Variants in ASTN2 observed in about 807,000 individuals in gnomAD.
ASTN2 encodes astrotactin-2.
Under a neutral mutation model 139.8 loss-of-function variants are expected in ASTN2, and 54 were observed. The ratio of observed to expected loss-of-function variants is 0.39; its 90% CI spans 0.31 to 0.48. ASTN2 has a LOEUF of 0.48. ASTN2 is among the 20% of genes least tolerant of loss of function. ASTN2 has a pLI of 0.95. For synonymous variants in ASTN2, 756 were observed against 719.5 expected (o/e 1.05, Z -0.81); for missense variants, 1,565 against 1,725.1 (o/e 0.91, Z 1.64).
chr9:116,763,295 A>G (rs947644580), intron 13 of ASTN2, among the ~76,000 whole-genome samples: 2 of 152,136 alleles, frequency 1.3e-5, no homozygotes, highest in Non-Finnish European at 2.9e-5. Context: ...ATTCTATCAC[A>G]GTTTCCCCCA....
intron 3 of ASTN2, among the ~76,000 whole-genome samples, chr9:117,167,892 T>A (rs1374190021): frequency 6.6e-6 from 1 of 152,150 alleles, no homozygotes; most frequent in Non-Finnish European, 1.5e-5. Flanking sequence ...GCTTGACTTT[T>A]AGCCTAAGAG....
chr9:116,983,499 CCACCACAAACAT>C (rs1588458849), intron 7 of ASTN2, among the ~76,000 whole-genome samples: 2 of 152,192 alleles, frequency 1.3e-5, no homozygotes, highest in East Asian at 3.9e-4. Context: ...CTTGCTTACA[CCACCACAAACAT>C]CACAACAATA....
chr9:116,819,484 G>C (rs1345676521), intron 12 of ASTN2, among the ~76,000 whole-genome samples: 1 of 152,172 alleles, frequency 6.6e-6, no homozygotes, highest in Non-Finnish European at 1.5e-5. Flanking sequence ...GGCAGGAAAG[G>C]AGACCTTGAA....
At chr9:117,326,746 T>C (rs934989961) in intron 1 of ASTN2, among the ~76,000 whole-genome samples, 3 of 151,780 alleles carry the variant, frequency 2.0e-5, no homozygotes, top group African/African-American at 4.9e-5. Context: ...GGTGATGAAG[T>C]GTTCCAAGTG....
intron 13 of ASTN2, among the ~76,000 whole-genome samples, chr9:116,771,426 GTTATTC>G (rs552499704): frequency 4.6e-3 from 694 of 152,272 alleles, no homozygotes; most frequent in Non-Finnish European, 7.7e-3. Context: ...ATCAATGGTA[GTTATTC>G]TTATAACATG....
intron 11 of ASTN2, among the ~76,000 whole-genome samples, chr9:116,838,178 C>T (rs1267949457): frequency 2.7e-5 from 4 of 149,292 alleles, no homozygotes; most frequent in South Asian, 2.1e-4. Context: ...GGTGCAATCT[C>T]GGCTCACTAC....
At chr9:116,563,103 C>T (rs1435360027) in intron 19 of ASTN2, among the ~76,000 whole-genome samples, 1 of 152,118 alleles carries the variant, frequency 6.6e-6, no homozygotes, top group South Asian at 2.1e-4. Flanking sequence ...AGGCTGGGTG[C>T]GGTGGCTCAC....
At position 117,061,677 on chromosome 9, in the gene ASTN2, T is replaced by C. The variant is rs368319983; in HGVS notation, c.1277-21712A>G. ...ATATCTTTGTTATACAAGTTATTAA[T>C]GTCAGTCTGGGCTGTGGCCTGTTTA... is the stretch of plus-strand genomic sequence containing the variant. On this transcript the variant is annotated intron_variant, in intron 5 of 22. Transcript: ENST00000313400. 7.9e-5 allele frequency among the ~76,000 whole-genome samples: 12 copies of C among 152,324 alleles called. No homozygotes were observed. The East Asian group carries it at 2.1e-3, about 27-fold the overall frequency.
At chr9:116,861,559 A>G (rs1480509813) in intron 11 of ASTN2, among the ~76,000 whole-genome samples, 1 of 152,200 alleles carries the variant, frequency 6.6e-6, no homozygotes, top group Non-Finnish European at 1.5e-5. Context: ...ATGTATATCA[A>G]TCTAGCATCT....
intron 15 of ASTN2, among the ~76,000 whole-genome samples, chr9:116,726,995 T>G (rs1828642993): frequency 6.8e-6 from 1 of 146,424 alleles, no homozygotes. Context: ...TATCTTTCCT[T>G]GCATTCTCAC....
intron 1 of ASTN2, among the ~76,000 whole-genome samples, chr9:117,395,631 T>A (rs1172839067): frequency 6.6e-6 from 1 of 152,176 alleles, no homozygotes; most frequent in East Asian, 1.9e-4. Flanking sequence ...GGAAATGTAG[T>A]AGCCTTCTCC....
intron 16 of ASTN2, among the ~76,000 whole-genome samples, chr9:116,672,365 C>CA (rs938963301): frequency 0.01 from 1,348 of 129,898 alleles, 13 homozygotes; most frequent in African/African-American, 0.033. Context: ...GATCTTGTCT[C>CA]AAAAAAAAAA....
At chr9:117,358,735 T>C (rs1030081831) in intron 1 of ASTN2, among the ~76,000 whole-genome samples, 1 of 152,086 alleles carries the variant, frequency 6.6e-6, no homozygotes, top group Non-Finnish European at 1.5e-5. Flanking sequence ...GCTGGAGAAA[T>C]GCAATCTCCT....
chr9:117,093,678 T>G (rs938331613), intron 5 of ASTN2, among the ~76,000 whole-genome samples: 2 of 152,204 alleles, frequency 1.3e-5, no homozygotes, highest in African/African-American at 4.8e-5. Context: ...TTGCGGGACT[T>G]GCAGACTGAG....
At chr9:116,521,240 T>C (rs571865509) in intron 19 of ASTN2, among the ~76,000 whole-genome samples, 2 of 152,202 alleles carry the variant, frequency 1.3e-5, no homozygotes, top group Admixed American at 6.5e-5. Context: ...TTACCTGACT[T>C]CAAACTATAC....
chr9:116,828,861 T>A (rs915958133), intron 11 of ASTN2, among the ~76,000 whole-genome samples: 1 of 152,172 alleles, frequency 6.6e-6, no homozygotes, highest in African/African-American at 2.4e-5. Context: ...ATCAGTAGCA[T>A]TTCTATACAC....
chr9:117,382,857 C>T (rs145378604), intron 1 of ASTN2, among the ~76,000 whole-genome samples: 4 of 152,212 alleles, frequency 2.6e-5, no homozygotes, highest in South Asian at 2.1e-4. Context: ...AAAATGGCCA[C>T]GTGTGAACCA....
At chr9:116,803,524 T>TATATATATA (rs1830950931) in intron 13 of ASTN2, among the ~76,000 whole-genome samples, 2 of 10,764 alleles carry the variant, frequency 1.9e-4, no homozygotes, top group African/African-American at 1.3e-3. Flanking sequence ...ATATATATAT[T>TATATATATA]TTTTTTTTTT....
chr9:117,214,876 T>A (rs758290379), intron 2 of ASTN2, 134 bp from the exon 3 acceptor site: 42 of 1,102,436 alleles, frequency 3.8e-5, no homozygotes, highest in Non-Finnish European at 4.6e-5. Context: ...CCACCAGCCG[T>A]GGTTTTTAAG....
Sources: gnomAD v4.1 joint callset for allele counts (sites outside exome capture counted in the v4.1 genomes callset) on GRCh38, gnomAD v4.1.1 for gene constraint, MANE v1.5 for transcripts, NCBI Gene and HGNC (gene_info 2026-07-23, HGNC 2026-07-21) for gene names.